SAMD5: variants seen among roughly 807,000 people sequenced by gnomAD.
SAMD5 encodes sterile alpha motif domain-containing protein 5.
A neutral mutation model predicts 11.3 loss-of-function variants in SAMD5; 13 were observed. The ratio of observed to expected loss-of-function variants is 1.15; its 90% CI spans 0.75 to 1.83. The LOEUF (loss-of-function observed/expected upper bound fraction) is 1.83, where lower values mean the gene tolerates loss of function less well. SAMD5 is among the 40% of genes most tolerant of loss of function. The pLI, the probability that SAMD5 is intolerant of heterozygous loss-of-function variation, is 0.00. For missense variants in SAMD5, 255 were observed against 239.1 expected, an observed-to-expected ratio of 1.07 and a Z score of -0.44; for synonymous variants, 129 against 111.3, an observed-to-expected ratio of 1.16 and a Z score of -1.00.
At chr6:147,624,760 A>G (rs1269765799) in intron 1 of SAMD5, among the ~76,000 whole-genome samples, 1 of 152,060 alleles carries the variant, frequency 6.6e-6, no homozygotes, top group East Asian at 1.9e-4. Flanking sequence ...AAGACTACAA[A>G]TTGGGTTCGG....
the SAMD5 span, among the ~76,000 whole-genome samples, chr6:147,906,527 C>T: frequency 6.6e-6 from 1 of 152,150 alleles, no homozygotes; most frequent in Admixed American, 6.5e-5. Flanking sequence ...CTGGTGACGG[C>T]CATTGACAAG....
chr6:147,564,397 C>G lies in SAMD5; in HGVS notation c.463C>G (p.Pro155Ala). ...LSKPPYSRKV[P>A]MAGILEYLMN... Reference sequence around the variant, plus strand: ...CCAGATATGTTCAAATCCACAGGTCCCAATGGCTGGCATCCTAGAGTACTT... The same window carrying G: ...CCAGATATGTTCAAATCCACAGGTCGCAATGGCTGGCATCCTAGAGTACTT... Residue 155 changes from proline to alanine, a missense_variant, in exon 2 of 2, where the codon CCA (proline) becomes GCA (alanine). Transcript: ENST00000367474. The G allele has an allele frequency of 1.3e-6, 1 of 780,632 alleles. No individual in the cohort carries two copies. The highest frequency in any genetic ancestry group is 2.4e-5 in the East Asian group (1 of 41,208). 48.4% of individuals were successfully genotyped at this position (780,632 alleles called of 1,614,324 possible). A position where few individuals can be genotyped will look rare whatever the true frequency, so the allele number is the denominator to read the frequency against.
In SAMD5 at chr6:147,638,320, T is replaced by A. The variant is rs184272410; in HGVS notation, c.163-98997T>A. Among the ~76,000 whole-genome samples, 103 of 152,322 alleles carry A rather than the reference T, an allele frequency of 6.8e-4. 1 individual carries two copies. The highest frequency in any genetic ancestry group is 2.3e-3 in the African/African-American group (94 of 41,576). ...AGTCCATTTATCTAAACTACTGAAA[T>A]TTTTCCTTCTGCTCACCAAAGACTT... On this transcript the variant is annotated intron_variant, in intron 1 of 1. Coordinates refer to the SAMD5 transcript ENST00000566741.
At chr6:147,747,415 G>T in the SAMD5 span, among the ~76,000 whole-genome samples, 19 of 152,218 alleles carry the variant, frequency 1.2e-4, no homozygotes, top group Admixed American at 1.2e-3. Flanking sequence ...GAAGATGGGG[G>T]CAAACACTGT....
chr6:147,624,337 G>A (rs1442927652), intron 1 of SAMD5, among the ~76,000 whole-genome samples: 1 of 141,636 alleles, frequency 7.1e-6, no homozygotes, highest in African/African-American at 2.5e-5. Context: ...CCACCCCCCA[G>A]GGGATGTGGC....
chr6:147,945,811 T>C, the SAMD5 span, among the ~76,000 whole-genome samples: 1 of 152,304 alleles, frequency 6.6e-6, no homozygotes, highest in African/African-American at 2.4e-5. Context: ...TTTCTAGAGT[T>C]CCTACCTTGT....
the SAMD5 span, among the ~76,000 whole-genome samples, chr6:147,857,238 C>T: frequency 1.3e-5 from 2 of 151,338 alleles, no homozygotes; most frequent in African/African-American, 2.4e-5. Context: ...CACAGTGGCT[C>T]ATGCCTGTAA....
At chr6:147,739,467 A>G (rs968572581), downstream of SAMD5, among the ~76,000 whole-genome samples, 28 of 152,090 alleles carry the variant, frequency 1.8e-4, no homozygotes, top group African/African-American at 6.5e-4. Flanking sequence ...GCGTAGTGGC[A>G]TGTGCCTGTA....
At chr6:147,850,545 A>G in the SAMD5 span, among the ~76,000 whole-genome samples, 4 of 152,298 alleles carry the variant, frequency 2.6e-5, no homozygotes, top group South Asian at 6.2e-4. Context: ...AAAAATAAAA[A>G]TAACTTGTCA....
the SAMD5 span, among the ~76,000 whole-genome samples, chr6:147,799,379 A>G: frequency 3.9e-5 from 6 of 151,920 alleles, no homozygotes; most frequent in Admixed American, 3.3e-4. Flanking sequence ...TTTTCTTTAA[A>G]AATGTTGAAT....
chr6:147,813,070 A>G, the SAMD5 span, among the ~76,000 whole-genome samples: 4 of 152,214 alleles, frequency 2.6e-5, no homozygotes, highest in African/African-American at 4.8e-5. Flanking sequence ...TCAGGAGACA[A>G]GTACTTCTTA....
At chr6:147,655,709 A>T (rs919604713) in intron 1 of SAMD5, among the ~76,000 whole-genome samples, 1 of 152,200 alleles carries the variant, frequency 6.6e-6, no homozygotes, top group Non-Finnish European at 1.5e-5. Context: ...AACTCTTCAC[A>T]TCTTATGTCC....
chr6:147,628,352 T>C (rs1790089085), intron 1 of SAMD5, among the ~76,000 whole-genome samples: 1 of 152,230 alleles, frequency 6.6e-6, no homozygotes. Context: ...GTTTGGCAAA[T>C]GTACTCCTGA....
the SAMD5 span, among the ~76,000 whole-genome samples, chr6:147,879,590 A>G: frequency 2.0e-5 from 3 of 152,344 alleles, no homozygotes; most frequent in African/African-American, 7.2e-5. Flanking sequence ...TTGCCCTTAT[A>G]GTTTTGATGG....
chr6:147,873,375 C>CA, the SAMD5 span, among the ~76,000 whole-genome samples: 477 of 105,542 alleles, frequency 4.5e-3, 3 homozygotes, highest in East Asian at 7.8e-3. Flanking sequence ...GACTCCATCT[C>CA]AAAAAAAAAA....
At chr6:147,710,028 A>G (rs1791374582) in intron 1 of SAMD5, among the ~76,000 whole-genome samples, 1 of 152,158 alleles carries the variant, frequency 6.6e-6, no homozygotes, top group Non-Finnish European at 1.5e-5. Context: ...TCTACCTCCA[A>G]ATTCATTTCC....
chr6:147,526,549 G>A (rs1344952340), intron 1 of SAMD5, among the ~76,000 whole-genome samples: 1 of 152,228 alleles, frequency 6.6e-6, no homozygotes, highest in African/African-American at 2.4e-5. Flanking sequence ...AGGTATTGGA[G>A]TATCTTTCAG....
At chr6:147,648,623 A>G (rs1005873187) in intron 1 of SAMD5, among the ~76,000 whole-genome samples, 3 of 152,232 alleles carry the variant, frequency 2.0e-5, no homozygotes, top group South Asian at 2.1e-4. Context: ...AAACTCTGAA[A>G]GAGATATAAA....
At chr6:147,793,074 G>T in the SAMD5 span, among the ~76,000 whole-genome samples, 1 of 152,162 alleles carries the variant, frequency 6.6e-6, no homozygotes, top group Admixed American at 6.6e-5. Flanking sequence ...AAAAAGTGCA[G>T]TATGGGAAAG....
Sources: allele counts gnomAD v4.1 joint callset (sites outside exome capture counted in the v4.1 genomes callset), GRCh38; gene constraint gnomAD v4.1.1; transcripts MANE v1.5; gene names NCBI Gene and HGNC (gene_info 2026-07-23, HGNC 2026-07-21).